RNLS: variants seen among roughly 807,000 people sequenced by gnomAD.
RNLS encodes renalase, FAD dependent amine oxidase.
RNLS carries 39 observed loss-of-function variants against 39.8 expected under a neutral mutation model. The observed-to-expected ratio is 0.98, with a 90% confidence interval of 0.76 to 1.28. The LOEUF is 1.28. Ranked by LOEUF, RNLS falls within the 50% of genes most tolerant of loss-of-function variation. The probability of loss-of-function intolerance (pLI) is 0.00; values close to 1 mark genes in which losing one functional copy is unlikely to be tolerated. For synonymous variants in RNLS, 147 were observed against 150.7 expected, an observed-to-expected ratio of 0.98 and a Z score of 0.18; for missense variants, 410 against 413.3, an observed-to-expected ratio of 0.99 and a Z score of 0.07.
At chr10:88,176,868 A>G in the RNLS span, among the ~76,000 whole-genome samples, 1 of 152,216 alleles carries the variant, frequency 6.6e-6, no homozygotes, top group East Asian at 1.9e-4. Flanking sequence ...TTTGCTAGGA[A>G]TAGTAGTCTT....
the RNLS span, among the ~76,000 whole-genome samples, chr10:88,217,027 A>C: frequency 6.6e-6 from 1 of 152,136 alleles, no homozygotes; most frequent in Non-Finnish European, 1.5e-5. Context: ...AGTGCAGCTC[A>C]ATTAGGGGGT....
the RNLS span, among the ~76,000 whole-genome samples, chr10:88,268,202 G>A: frequency 1.4e-4 from 22 of 152,192 alleles, no homozygotes; most frequent in South Asian, 1.7e-3. Context: ...CAATGGTGGC[G>A]CTATTGGCAT....
At chr10:88,239,808 A>C in the RNLS span, among the ~76,000 whole-genome samples, 1 of 152,238 alleles carries the variant, frequency 6.6e-6, no homozygotes, top group Non-Finnish European at 1.5e-5. Context: ...TGGGACTTAC[A>C]TGGTTATCAT....
chr10:88,438,039 T>C (rs1053506539), intron 4 of RNLS, among the ~76,000 whole-genome samples: 8 of 149,262 alleles, frequency 5.4e-5, no homozygotes, highest in African/African-American at 1.7e-4. Context: ...GACAGGAGAA[T>C]CACTTGAACC....
At chr10:88,394,834 C>T (rs10788595) in intron 4 of RNLS, among the ~76,000 whole-genome samples, 42,451 of 151,974 alleles carry the variant, frequency 0.28, 6,713 homozygotes, top group African/African-American at 0.43. Flanking sequence ...GAAAATGTGG[C>T]ACATAAACAC....
At chr10:88,313,640 C>T (rs1845543079) in intron 6 of RNLS, among the ~76,000 whole-genome samples, 1 of 152,272 alleles carries the variant, frequency 6.6e-6, no homozygotes, top group Non-Finnish European at 1.5e-5. Context: ...TCCCACAACA[C>T]CACTTTTTCT....
chr10:88,287,304 T>A (rs1843338549), intron 6 of RNLS, among the ~76,000 whole-genome samples: 1 of 152,156 alleles, frequency 6.6e-6, no homozygotes, highest in Non-Finnish European at 1.5e-5. Flanking sequence ...CAACATCATC[T>A]ATCACAAACA....
chr10:88,560,588 G>A (rs971326264), intron 4 of RNLS, among the ~76,000 whole-genome samples: 2 of 152,112 alleles, frequency 1.3e-5, no homozygotes, highest in African/African-American at 4.8e-5. Flanking sequence ...CTCCTTAGGA[G>A]CCTACTGGAG....
chr10:88,393,469 G>T (rs1220129820), intron 4 of RNLS, among the ~76,000 whole-genome samples: 1 of 152,086 alleles, frequency 6.6e-6, no homozygotes, highest in Non-Finnish European at 1.5e-5. Flanking sequence ...AAAATACCTA[G>T]GAATCCAACT....
chr10:88,523,464 G>A (rs1179415169), intron 4 of RNLS, among the ~76,000 whole-genome samples: 1 of 152,092 alleles, frequency 6.6e-6, no homozygotes, highest in African/African-American at 2.4e-5. Context: ...AATACAACTA[G>A]ATGGCATTTA....
chr10:88,404,010 C>G (rs1416185617), intron 4 of RNLS, among the ~76,000 whole-genome samples: 1 of 152,024 alleles, frequency 6.6e-6, no homozygotes, highest in African/African-American at 2.4e-5. Context: ...CACCAATGAA[C>G]TCCAGCCTCG....
intron 4 of RNLS, among the ~76,000 whole-genome samples, chr10:88,447,165 A>C (rs955699095): frequency 1.3e-5 from 2 of 152,168 alleles, no homozygotes; most frequent in African/African-American, 2.4e-5. Context: ...CTGGCCAGGA[A>C]AATCAGGCAG....
At chr10:88,424,735 T>A (rs1448940521) in intron 4 of RNLS, among the ~76,000 whole-genome samples, 1 of 152,072 alleles carries the variant, frequency 6.6e-6, no homozygotes, top group South Asian at 2.1e-4. Context: ...AAATACACGA[T>A]GACTAGATAT....
intron 4 of RNLS, among the ~76,000 whole-genome samples, chr10:88,367,598 A>G (rs1850228002): frequency 6.6e-6 from 1 of 152,182 alleles, no homozygotes; most frequent in South Asian, 2.1e-4. Context: ...TTTAGTAAAT[A>G]CTGCCAAATG....
At chr10:88,192,362 A>T in the RNLS span, among the ~76,000 whole-genome samples, 1 of 152,238 alleles carries the variant, frequency 6.6e-6, no homozygotes, top group African/African-American at 2.4e-5. Context: ...CTAAATATCT[A>T]AGTACCCATG....
downstream of RNLS, among the ~76,000 whole-genome samples, chr10:88,280,347 G>GTGT: frequency 6.6e-6 from 1 of 152,204 alleles, no homozygotes; most frequent in Admixed American, 6.6e-5. Flanking sequence ...TGCAGATGAT[G>GTGT]TGTTCTTAAC....
intron 5 of RNLS, among the ~76,000 whole-genome samples, chr10:88,337,923 T>A (rs1464599277): frequency 6.6e-6 from 1 of 152,110 alleles, no homozygotes; most frequent in East Asian, 1.9e-4. Flanking sequence ...CCTCCTCCCA[T>A]CTCCCCCAAA....
At chr10:88,343,399 A>G in intron 5 of RNLS, 1 of 364,990 alleles carries the variant, frequency 2.7e-6, no homozygotes. Context: ...AAAAGCTAGG[A>G]GATTGGTGGC....
the RNLS span, among the ~76,000 whole-genome samples, chr10:88,190,828 G>A: frequency 2.0e-5 from 3 of 152,060 alleles, no homozygotes; most frequent in Admixed American, 6.6e-5. Flanking sequence ...TTTCCTCTTG[G>A]GGATCAACTG....
Sources: gnomAD v4.1 joint callset for allele counts (sites outside exome capture counted in the v4.1 genomes callset) on GRCh38, gnomAD v4.1.1 for gene constraint, MANE v1.5 for transcripts, NCBI Gene and HGNC (gene_info 2026-07-23, HGNC 2026-07-21) for gene names.